BCAS1: variants seen among roughly 807,000 people sequenced by gnomAD.
BCAS1 encodes brain enriched myelin associated protein 1.
BCAS1 carries 46 observed loss-of-function variants against 65.4 expected under a neutral mutation model. The observed-to-expected ratio is 0.70, with a 90% CI of 0.55 to 0.90. BCAS1 has a LOEUF of 0.90. BCAS1 is among the 40% of genes least tolerant of loss of function. The pLI, the probability that BCAS1 is intolerant of heterozygous loss-of-function variation, is 0.00. For synonymous variants in BCAS1, 298 were observed against 293.5 expected, an observed-to-expected ratio of 1.02 and a Z score of -0.16; for missense variants, 793 against 771.2, an observed-to-expected ratio of 1.03 and a Z score of -0.33.
chr20:54,042,176 T>C (rs1035726213), intron 3 of BCAS1, among the ~76,000 whole-genome samples: 1 of 152,048 alleles, frequency 6.6e-6, no homozygotes, highest in Admixed American at 6.6e-5. Flanking sequence ...AGAAACCTGG[T>C]TAAATAAATT....
intron 3 of BCAS1, among the ~76,000 whole-genome samples, chr20:54,042,649 G>A (rs1481024867): frequency 6.6e-6 from 1 of 152,194 alleles, no homozygotes; most frequent in Non-Finnish European, 1.5e-5. Context: ...GGGGCTTGGG[G>A]AGCCATCAGA....
intron 4 of BCAS1, among the ~76,000 whole-genome samples, chr20:53,998,695 T>C (rs1373293490): frequency 6.6e-6 from 1 of 152,236 alleles, no homozygotes; most frequent in Non-Finnish European, 1.5e-5. Context: ...TTACGTCAAC[T>C]ACTTATTAAG....
At chr20:54,058,022 A>G (rs562134648) in intron 3 of BCAS1, 63 bp downstream of exon 3, 3 of 1,201,050 alleles carry the variant, frequency 2.5e-6, no homozygotes, top group African/African-American at 3.1e-5. Context: ...TTCACCGTAA[A>G]CAGCATCTGC....
intron 3 of BCAS1, among the ~76,000 whole-genome samples, chr20:54,051,327 G>GGGGATCTCT (rs2092208786): frequency 6.6e-6 from 1 of 152,216 alleles, no homozygotes; most frequent in South Asian, 2.1e-4. Flanking sequence ...GTACGCAACA[G>GGGGATCTCT]GAGGGTGATG....
intron 3 of BCAS1, among the ~76,000 whole-genome samples, chr20:54,031,216 T>A (rs1302260775): frequency 1.3e-5 from 2 of 151,670 alleles, no homozygotes; most frequent in East Asian, 3.9e-4. Context: ...GTACTTTCCA[T>A]GGACAACCTT....
intron 4 of BCAS1, among the ~76,000 whole-genome samples, chr20:54,021,563 A>T (rs1022427071): frequency 1.3e-5 from 2 of 151,696 alleles, no homozygotes; most frequent in African/African-American, 2.4e-5. Flanking sequence ...AAAAGGAACA[A>T]GATCATGTCC....
chr20:54,041,468 A>C (rs2091990051), intron 3 of BCAS1, among the ~76,000 whole-genome samples: 1 of 152,200 alleles, frequency 6.6e-6, no homozygotes, highest in African/African-American at 2.4e-5. Context: ...AGCAGAAGAA[A>C]AGATGTTTGG....
chr20:54,040,052 G>T (rs2091963537), intron 3 of BCAS1, among the ~76,000 whole-genome samples: 1 of 151,356 alleles, frequency 6.6e-6, no homozygotes, highest in South Asian at 2.1e-4. Flanking sequence ...TATACCAAAA[G>T]ATATTTAAAC....
intron 12 of BCAS1, among the ~76,000 whole-genome samples, chr20:53,946,661 A>G (rs2145442732): frequency 6.6e-6 from 1 of 151,092 alleles, no homozygotes; most frequent in Non-Finnish European, 1.5e-5. Context: ...TATATATAGT[A>G]TACATATATA....
intron 4 of BCAS1, among the ~76,000 whole-genome samples, chr20:54,010,502 G>A (rs1452541187): frequency 4.6e-5 from 7 of 152,028 alleles, no homozygotes; most frequent in Admixed American, 1.3e-4. Context: ...ATAATCATAC[G>A]AAAATGAAAT....
intron 4 of BCAS1, among the ~76,000 whole-genome samples, chr20:54,005,717 G>C (rs1467736664): frequency 6.6e-6 from 1 of 152,172 alleles, no homozygotes; most frequent in Non-Finnish European, 1.5e-5. Flanking sequence ...CTAGAAGGGA[G>C]AGGGAGACTT....
Position 54,047,563 on chromosome 20 carries a change from G to A in BCAS1, c.142+10522C>T, listed in dbSNP as rs184583347. Among the ~76,000 whole-genome samples the A allele has an allele frequency of 2.2e-4, 33 of 152,320 alleles. No homozygotes were observed. The East Asian group carries it at 5.6e-3, about 26-fold the overall frequency. ...CTCCCAAGGAAGACAGAGGCACAAG[G>A]AGCTGTTGGGCCATCTGGGAGAGCC... is the stretch of plus-strand genomic sequence containing the variant. On this transcript the variant is annotated intron_variant, in intron 3 of 12. Coordinates refer to ENST00000688948, the MANE Select transcript of BCAS1 (RefSeq NM_001366298.2).
chr20:54,011,166 TA>T (rs34594099), intron 4 of BCAS1, among the ~76,000 whole-genome samples: 109,415 of 151,748 alleles, frequency 0.72, 39,897 homozygotes, highest in East Asian at 0.92. Flanking sequence ...GACCTATGGT[TA>T]AAAAAATCCA....
At chr20:53,993,530 A>G (rs2090818262) in intron 6 of BCAS1, among the ~76,000 whole-genome samples, 1 of 152,196 alleles carries the variant, frequency 6.6e-6, no homozygotes, top group Non-Finnish European at 1.5e-5. Context: ...GTGAGATTTT[A>G]TCAGCTGGGT....
chr20:54,067,947 G>A (rs2092464635), intron 1 of BCAS1, among the ~76,000 whole-genome samples: 2 of 152,264 alleles, frequency 1.3e-5, no homozygotes, highest in Admixed American at 1.3e-4. Context: ...CCCAACATCA[G>A]TAAAGACCTT....
chr20:54,045,694 T>A (rs1444907475), intron 3 of BCAS1, among the ~76,000 whole-genome samples: 1 of 152,240 alleles, frequency 6.6e-6, no homozygotes, highest in Non-Finnish European at 1.5e-5. Context: ...CTGGGTACCT[T>A]CCAATGAGAT....
At chr20:54,005,302 C>CG (rs753926067) in intron 4 of BCAS1, among the ~76,000 whole-genome samples, 1,464 of 44,324 alleles carry the variant, frequency 0.033, 15 homozygotes, top group South Asian at 0.15. Flanking sequence ...TGAAACAAAG[C>CG]AAAAACAAAA....
In BCAS1 at chr20:53,953,831, A is replaced by G. The variant is rs1231419161; in HGVS notation, c.1552-136T>C. 4.6e-6 allele frequency: 5 copies of G among 1,081,320 alleles called. No homozygotes were observed. The Admixed American group carries it at 1.5e-4, about 32-fold the overall frequency. The allele number at this position is 1,081,320 out of a possible 1,614,324, so 67.0% of individuals were successfully genotyped here. A position where few individuals can be genotyped will look rare whatever the true frequency, so the allele number is the denominator to read the frequency against. On this transcript the variant is annotated intron_variant, in intron 11 of 12. Coordinates refer to ENST00000688948, the MANE Select transcript of BCAS1 (RefSeq NM_001366298.2). ...TTTTCATGAATCCTAGGTGAAATGAATATAAAAAAAGGTAAAATGTGCACT... is the reference window on the plus strand; with the variant it reads ...TTTTCATGAATCCTAGGTGAAATGAGTATAAAAAAAGGTAAAATGTGCACT...
intron 3 of BCAS1, among the ~76,000 whole-genome samples, chr20:54,054,672 C>A (rs1461669890): frequency 6.6e-6 from 1 of 152,176 alleles, no homozygotes; most frequent in African/African-American, 2.4e-5. Context: ...AACTCTCCAG[C>A]AGTAGCTGAG....
Sources: allele counts gnomAD v4.1 joint callset (sites outside exome capture counted in the v4.1 genomes callset), GRCh38; gene constraint gnomAD v4.1.1; transcripts MANE v1.5; gene names NCBI Gene and HGNC (gene_info 2026-07-23, HGNC 2026-07-21).